Variants in DCHS2 observed in about 807,000 individuals in gnomAD.
The protein encoded by DCHS2 is dachsous cadherin-related 2.
DCHS2 carries 142 observed loss-of-function variants against 182.4 expected under a neutral mutation model. The ratio of observed to expected loss-of-function variants is 0.78; its 90% confidence interval spans 0.68 to 0.89. The LOEUF (loss-of-function observed/expected upper bound fraction) is 0.89, where lower values mean the gene tolerates loss of function less well. Ranked by LOEUF, DCHS2 falls within the 40% of genes least tolerant of loss-of-function variation. DCHS2 has a pLI of 0.00. For synonymous variants in DCHS2, 1,740 were observed against 1,663.3 expected, an observed-to-expected ratio of 1.05 and a Z score of -1.12; for missense variants, 4,319 against 4,198.6, an observed-to-expected ratio of 1.03 and a Z score of -0.79.
intron 1 of DCHS2, among the ~76,000 whole-genome samples, chr4:154,482,346 T>G (rs924044447): frequency 6.6e-6 from 1 of 152,234 alleles, no homozygotes; most frequent in African/African-American, 2.4e-5. Flanking sequence ...GCTACATTTT[T>G]TTCACAACTT....
At chr4:154,488,200 T>C (rs1374294574) in intron 1 of DCHS2, among the ~76,000 whole-genome samples, 1 of 131,548 alleles carries the variant, frequency 7.6e-6, no homozygotes, top group Non-Finnish European at 1.6e-5. Flanking sequence ...AAGAAACAAA[T>C]AGGAAATCGG....
At chr4:154,267,653 C>A (rs1299820312) in intron 14 of DCHS2, among the ~76,000 whole-genome samples, 1 of 152,146 alleles carries the variant, frequency 6.6e-6, no homozygotes, top group Non-Finnish European at 1.5e-5. Flanking sequence ...ATGTTTTATG[C>A]CCTGGTGCTT....
chr4:154,360,088 TAG>T lies in DCHS2; in HGVS notation c.2476+6120_2476+6121del, dbSNP rs1730048966. Reference sequence around the variant, plus strand: ...TCTTTGAGTAAGTCACTAAGAATTTTAGAGTCTTCAGTCTCTTAATCTGCAAA... The same window carrying T: ...TCTTTGAGTAAGTCACTAAGAATTTTAGTCTTCAGTCTCTTAATCTGCAAA... On this transcript the variant is annotated intron_variant, in intron 3 of 19. Coordinates refer to ENST00000357232, the MANE Select transcript of DCHS2 (RefSeq NM_001358235.2). Among the ~76,000 whole-genome samples, 3 of 152,220 alleles carry T rather than the reference TAG, an allele frequency of 2.0e-5. No individual in the cohort carries two copies. In the East Asian group the frequency reaches 5.8e-4, roughly 29 times the overall value.
At chr4:154,459,345 A>T (rs996714011) in intron 1 of DCHS2, among the ~76,000 whole-genome samples, 1 of 152,176 alleles carries the variant, frequency 6.6e-6, no homozygotes, top group African/African-American at 2.4e-5. Flanking sequence ...CAAAGCTCTC[A>T]TTATAGAATT....
At position 154,484,236 on chromosome 4, in the gene DCHS2, C is replaced by G. The variant is rs182948940; in HGVS notation, c.2052+5068G>C. ...ACGCTTCACTACCATTCCCCTAATTCAGGCCCATGTAGCTGAATATGTGTT... is the reference window on the plus strand; with the variant it reads ...ACGCTTCACTACCATTCCCCTAATTGAGGCCCATGTAGCTGAATATGTGTT... On this transcript the variant is annotated intron_variant, in intron 1 of 19. Coordinates refer to ENST00000357232, the MANE Select transcript of DCHS2 (RefSeq NM_001358235.2). Among the ~76,000 whole-genome samples, 4 of 152,318 alleles carry G rather than the reference C, an allele frequency of 2.6e-5. No individual in the cohort carries two copies. The East Asian group carries it at 7.7e-4, about 29-fold the overall frequency.
At chr4:154,431,328 T>A (rs1733550434) in intron 1 of DCHS2, among the ~76,000 whole-genome samples, 1 of 152,144 alleles carries the variant, frequency 6.6e-6, no homozygotes, top group Non-Finnish European at 1.5e-5. Flanking sequence ...TAAAACTTAT[T>A]TCATAAAGAA....
At chr4:154,336,637 A>G (rs1210692704) in intron 3 of DCHS2, among the ~76,000 whole-genome samples, 1 of 152,088 alleles carries the variant, frequency 6.6e-6, no homozygotes, top group East Asian at 1.9e-4. Context: ...TCTTGTTTCT[A>G]TTTCTATTAG....
In DCHS2 at chr4:154,298,364, G is replaced by T. The variant is rs1735046997; in HGVS notation, c.5950C>A (p.Pro1984Thr). ...CTGGTTTTCAATGTGCCTGACATAG[G>T]ATCAATGGTGAATGCACCAGAAGCC... Reference protein sequence around the residue: ...DEASGAFTIDPMSGTLKTSNT... With the variant: ...DEASGAFTIDTMSGTLKTSNT... The change falls in exon 13 of 20, where the codon CCT (proline) becomes ACT (threonine). Residue 1984 changes from proline (P) to threonine (T), a missense_variant. Pro to Thr is a conservative substitution (Grantham distance 38). Coordinates refer to ENST00000357232, the MANE Select transcript of DCHS2 (RefSeq NM_001358235.2). 6.2e-7 allele frequency: 1 copy of T among 1,614,036 alleles called. No homozygotes were observed. Among genetic ancestry groups the T allele is most frequent in the Non-Finnish European group, 8.5e-7 (1 of 1,180,030 alleles).
intron 1 of DCHS2, among the ~76,000 whole-genome samples, chr4:154,484,465 C>T (rs1183300676): frequency 6.6e-6 from 1 of 152,186 alleles, no homozygotes; most frequent in South Asian, 2.1e-4. Context: ...GTCTCCAAAA[C>T]AGCCTCCCAT....
chr4:154,316,831 T>C (rs1013113511), intron 9 of DCHS2, among the ~76,000 whole-genome samples: 1 of 152,052 alleles, frequency 6.6e-6, no homozygotes. Flanking sequence ...GACAATACAC[T>C]TCACAAGTAA....
intron 10 of DCHS2, among the ~76,000 whole-genome samples, chr4:154,310,226 T>C (rs1735619942): frequency 6.6e-6 from 1 of 152,240 alleles, no homozygotes; most frequent in South Asian, 2.1e-4. Context: ...GGAATATGTG[T>C]GGAAATCAGT....
At chr4:154,296,486 T>A (rs920817882) in intron 13 of DCHS2, among the ~76,000 whole-genome samples, 1 of 152,092 alleles carries the variant, frequency 6.6e-6, no homozygotes. Context: ...GACTGACTCT[T>A]AAAGAACTTT....
At chr4:154,466,335 G>A (rs946452349) in intron 1 of DCHS2, among the ~76,000 whole-genome samples, 10 of 152,116 alleles carry the variant, frequency 6.6e-5, no homozygotes, top group South Asian at 2.1e-4. Context: ...GGTGGTAGCC[G>A]CATATCAGCA....
intron 15 of DCHS2, among the ~76,000 whole-genome samples, chr4:154,256,034 T>C (rs1732648569): frequency 6.6e-6 from 1 of 152,232 alleles, no homozygotes. Flanking sequence ...AAAAATGTTA[T>C]GGGAAATCTC....
In DCHS2 at chr4:154,255,502, C is replaced by T. The variant is rs747792849; in HGVS notation, c.6941+17G>A. Reference sequence around the variant, plus strand: ...GGCAGAATAAATGGAGCCAATGGATCTGAACCCTGGACCAACCTGTAGGAG... The same window carrying T: ...GGCAGAATAAATGGAGCCAATGGATTTGAACCCTGGACCAACCTGTAGGAG... On this transcript the variant is annotated intron_variant, in intron 16 of 19. Coordinates refer to ENST00000357232, the MANE Select transcript of DCHS2 (RefSeq NM_001358235.2). 4 of 1,610,552 alleles carry T rather than the reference C, an allele frequency of 2.5e-6. No homozygotes were observed. The highest frequency in any genetic ancestry group is 2.5e-6 in the Non-Finnish European group (3 of 1,178,434).
At chr4:154,424,378 C>G (rs1031978312) in intron 1 of DCHS2, among the ~76,000 whole-genome samples, 2 of 152,128 alleles carry the variant, frequency 1.3e-5, no homozygotes, top group African/African-American at 4.8e-5. Flanking sequence ...AAATAAAAAG[C>G]TTCCCTTGTC....
chr4:154,330,500 G>T (rs1369364655), intron 5 of DCHS2, among the ~76,000 whole-genome samples: 1 of 152,022 alleles, frequency 6.6e-6, no homozygotes, highest in Non-Finnish European at 1.5e-5. Context: ...TATTGCCAGG[G>T]ACCTTGGGAA....
chr4:154,374,849 G>A (rs1448640270), intron 2 of DCHS2, among the ~76,000 whole-genome samples: 1 of 151,976 alleles, frequency 6.6e-6, no homozygotes, highest in Non-Finnish European at 1.5e-5. Context: ...TATAAGTAAA[G>A]TCTCCAAAAT....
intron 13 of DCHS2, among the ~76,000 whole-genome samples, chr4:154,293,529 C>T (rs1734768263): frequency 6.6e-6 from 1 of 152,122 alleles, no homozygotes; most frequent in Admixed American, 6.5e-5. Context: ...ATGTGTAGTC[C>T]TGGTTGAGAA....
Sources: gnomAD v4.1 joint callset for allele counts (sites outside exome capture counted in the v4.1 genomes callset) on GRCh38, gnomAD v4.1.1 for gene constraint, MANE v1.5 for transcripts, NCBI Gene and HGNC (gene_info 2026-07-23, HGNC 2026-07-21) for gene names.